The following ALG10B variants were observed in gnomAD, a reference collection of about 807,000 sequenced individuals.
The protein encoded by ALG10B is ALG10 alpha-1,2-glucosyltransferase B, also known as dol-P-Glc:Glc(2)Man(9)GlcNAc(2)-PP-Dol alpha-1,2-glucosyltransferase B.
Under a neutral mutation model 38.7 loss-of-function variants are expected in ALG10B, and 27 were observed. The observed-to-expected ratio is 0.70, with a 90% CI of 0.51 to 0.96. ALG10B has a LOEUF of 0.96. ALG10B is among the 40% of genes least tolerant of loss of function. ALG10B has a pLI of 0.00. For missense variants in ALG10B, 522 were observed against 542.7 expected (o/e 0.96, Z 0.38); for synonymous variants, 177 against 193.3 (o/e 0.92, Z 0.70).
chr12:38,316,734 C>T (rs1390075253), upstream of ALG10B: 2 of 1,239,732 alleles, frequency 1.6e-6, no homozygotes, highest in African/African-American at 3.0e-5. Flanking sequence ...CCGCTGTTTT[C>T]CGGATCCGCG....
chr12:38,320,173 A>G lies in ALG10B; in HGVS notation c.382A>G (p.Ile128Val). The change falls in exon 3 of 3, where the codon ATC becomes GTC. Residue 128 changes from isoleucine to valine, a missense_variant. By Grantham distance (29) the Ile-to-Val change is conservative. Transcript: ENST00000308742. ...VQPRNKAASS[I>V]QRVLSTLTLA... ...TTCTTCCTCCAAGGCTGCCTCAAGT[A>G]TCCAGAGAGTCTTGTCAACATTAAC... 1 of 1,614,024 alleles carries G rather than the reference A, an allele frequency of 6.2e-7. No homozygotes were observed. Among genetic ancestry groups the G allele is most frequent in the Non-Finnish European group, 8.5e-7 (1 of 1,179,908 alleles).
rs1945685307 is a variant in ALG10B at position 38,319,763 on chromosome 12, G to A, written c.370-398G>A. Among the ~76,000 whole-genome samples, 4 of 152,260 alleles carry A rather than the reference G, an allele frequency of 2.6e-5. No individual in the cohort carries two copies. In the South Asian group the frequency reaches 8.3e-4, roughly 32 times the overall value. Reference sequence around the variant, plus strand: ...TCCTTAAAGGAAAGTGGTGATTATGGCTAAGTGAATCCTTATTGAAGGCAC... The same window carrying A: ...TCCTTAAAGGAAAGTGGTGATTATGACTAAGTGAATCCTTATTGAAGGCAC... On this transcript the variant is annotated intron_variant, in intron 2 of 2. Coordinates refer to ENST00000308742, the MANE Select transcript of ALG10B (RefSeq NM_001013620.4).
rs1945703162 is a variant in ALG10B, at chr12:38,321,288, G to A, written c.*75G>A. ...TCTACAAAGAACAACTGAATAGGTG[G>A]AAAACATGGAATTTCTTTTAGGTGC... is the stretch of plus-strand genomic sequence containing the variant. On this transcript the variant is annotated 3_prime_UTR_variant, in exon 3 of 3. Transcript: ENST00000308742. 6.9e-7 allele frequency: 1 copy of A among 1,456,302 alleles called. No homozygotes were observed. The highest frequency in any genetic ancestry group is 9.3e-7 in the Non-Finnish European group (1 of 1,072,558). 90.2% of individuals were successfully genotyped at this position (1,456,302 alleles called of 1,614,324 possible).
chr12:38,319,655 T>C (rs1591936812), intron 2 of ALG10B, among the ~76,000 whole-genome samples: 2 of 152,332 alleles, frequency 1.3e-5, no homozygotes, highest in East Asian at 3.9e-4. Flanking sequence ...GAAAATATCA[T>C]CTTGAAAAAG....
At position 38,320,783 on chromosome 12, in the gene ALG10B, T is replaced by C; in HGVS notation, c.992T>C (p.Leu331Ser). ...KHGILFLVVTLVSVFLVWKFT... is the reference protein window; with the variant it reads ...KHGILFLVVTSVSVFLVWKFT... ...GGAATTCTGTTTTTGGTGGTTACCT[T>C]AGTCTCTGTGTTTTTAGTTTGGAAA... The change falls in exon 3 of 3, where the codon TTA becomes TCA. Residue 331 changes from leucine to serine, a missense_variant. Leu to Ser is a moderately radical substitution (Grantham distance 145). Transcript: ENST00000308742. The C allele has an allele frequency of 6.2e-7, 1 of 1,614,038 alleles. No individual in the cohort carries two copies. The highest frequency in any genetic ancestry group is 1.1e-5 in the South Asian group (1 of 91,074).
rs1454567633 is a variant in ALG10B, at chr12:38,317,195, G to C, written c.171+131G>C. 3 of 1,279,942 alleles carry C rather than the reference G, an allele frequency of 2.3e-6. No homozygotes were observed. In the East Asian group the frequency reaches 7.2e-5, roughly 31 times the overall value. 79.3% of individuals were successfully genotyped at this position (1,279,942 alleles called of 1,614,324 possible). A position where few individuals can be genotyped will look rare whatever the true frequency, so the allele number is the denominator to read the frequency against. Reference sequence around the variant, plus strand: ...CCAGCCTCAGAACATGAAAGAAACTGGGTATAGTCTTTTGTTCCTGTCTCT... The same window carrying C: ...CCAGCCTCAGAACATGAAAGAAACTCGGTATAGTCTTTTGTTCCTGTCTCT... On this transcript the variant is annotated intron_variant, in intron 1 of 2. Transcript: ENST00000308742.
In ALG10B at chr12:38,320,657, C is replaced by T. The variant is rs773262920; in HGVS notation, c.866C>T (p.Pro289Leu). 6.2e-7 allele frequency: 1 copy of T among 1,613,682 alleles called. No homozygotes were observed. The highest frequency in any genetic ancestry group is 1.3e-5 in the African/African-American group (1 of 74,848). The change falls in exon 3 of 3, where the codon CCT (proline) becomes CTT (leucine). Residue 289 changes from proline (P) to leucine (L), a missense_variant. Coordinates refer to ENST00000308742, the MANE Select transcript of ALG10B (RefSeq NM_001013620.4). ...AGTCATGAAGCCTGTCTTCATTTTC[C>T]TCAACTATTCTACTTTTTTTCATTT... Reference protein sequence around the residue: ...RSSHEACLHFPQLFYFFSFTL... With the variant: ...RSSHEACLHFLQLFYFFSFTL...
At position 38,328,974 on chromosome 12, in the gene ALG10B, C is replaced by G. The variant is rs929893833; in HGVS notation, c.*7761C>G. 5.3e-6 allele frequency: 2 copies of G among 377,234 alleles called. No homozygotes were observed. Among genetic ancestry groups the G allele is most frequent in the African/African-American group, 4.1e-5 (2 of 48,230 alleles). The allele number at this position is 377,234 out of a possible 1,614,324, so 23.4% of individuals were successfully genotyped here. A position where few individuals can be genotyped will look rare whatever the true frequency, so the allele number is the denominator to read the frequency against. On this transcript the variant is annotated 3_prime_UTR_variant, in exon 3 of 3. Coordinates refer to ENST00000308742, the MANE Select transcript of ALG10B (RefSeq NM_001013620.4). ...GTATAGAGAGGTGAAGTATTTTTTC[C>G]AAGATTACAAAATAACTGTCTGAGC... is the stretch of plus-strand genomic sequence containing the variant.
chr12:38,317,373 A>G (rs1310136951), intron 1 of ALG10B: 3 of 432,916 alleles, frequency 6.9e-6, no homozygotes, highest in East Asian at 4.6e-5. Context: ...TCTCAGGATT[A>G]AAGGCATTCG....
intron 2 of ALG10B, 113 bp downstream of exon 2, chr12:38,318,571 T>C: frequency 7.9e-7 from 1 of 1,265,338 alleles, no homozygotes; most frequent in Non-Finnish European, 1.1e-6. Flanking sequence ...TAACTTTGTA[T>C]TTTTTGTATA....
rs758622096 is a variant in ALG10B, at chr12:38,321,529, G to T, written c.*316G>T. The T allele has an allele frequency of 4.3e-5, 8 of 187,956 alleles. No individual in the cohort carries two copies. The highest frequency in any genetic ancestry group is 8.8e-5 in the Non-Finnish European group (8 of 91,090). 11.6% of individuals were successfully genotyped at this position (187,956 alleles called of 1,614,324 possible). A position where few individuals can be genotyped will look rare whatever the true frequency, so the allele number is the denominator to read the frequency against. The stretch of plus-strand genomic sequence containing the variant: ...GTATGTATAAGTTTATTAAAACTGG[G>T]TATGCTTCATATTACTAGAACTAAT... On this transcript the variant is annotated 3_prime_UTR_variant, in exon 3 of 3. Coordinates refer to ENST00000308742, the MANE Select transcript of ALG10B (RefSeq NM_001013620.4).
chr12:38,318,415 A>G lies in ALG10B; in HGVS notation c.326A>G (p.Tyr109Cys). 6.2e-7 allele frequency: 1 copy of G among 1,614,098 alleles called. No individual in the cohort carries two copies. Among genetic ancestry groups the G allele is most frequent in the South Asian group, 1.1e-5 (1 of 91,086 alleles). ...VNLLFSVGNF[Y>C]LLYLLFHKVQ... The stretch of plus-strand genomic sequence containing the variant: ...CTTCTCTTCAGTGTTGGCAACTTCT[A>G]TTTACTATATTTGCTTTTCCACAAG... Residue 109 changes from tyrosine to cysteine, a missense_variant, in exon 2 of 3, where the codon TAT becomes TGT. Physicochemically the swap from Tyr to Cys is radical, Grantham distance 194 (BLOSUM62 -2). Transcript: ENST00000308742.
At position 38,321,102 on chromosome 12, in the gene ALG10B, T is replaced by A. The variant is rs188303169; in HGVS notation, c.1311T>A (p.Leu437=). The A allele has an allele frequency of 1.7e-5, 28 of 1,613,742 alleles. No homozygotes were observed. Among genetic ancestry groups the A allele is most frequent in the Non-Finnish European group, 2.3e-5 (27 of 1,179,822 alleles). The change falls in exon 3 of 3, where the codon CTT becomes CTA. Residue 437 remains leucine (L), a synonymous_variant. Transcript: ENST00000308742. ...LNITLPPTSR[L]VCELSCYAIV... ...TAACTCTGCCTCCCACATCCAGACT[T>A]GTTTGTGAACTGAGTTGCTATGCAA...
chr12:38,316,789 T>C lies in ALG10B; in HGVS notation c.-105T>C. 6.3e-7 allele frequency: 1 copy of C among 1,592,584 alleles called. No homozygotes were observed. The highest frequency in any genetic ancestry group is 8.6e-7 in the Non-Finnish European group (1 of 1,162,946). On this transcript the variant is annotated 5_prime_UTR_variant, in exon 1 of 3. Transcript: ENST00000308742. ...CTTCCGGTATGTGGCCCCGTCTGGC[T>C]AGTCCTGTCTAGCGCGCCCATTTCG... is the stretch of plus-strand genomic sequence containing the variant.
rs1945688903 is a variant in ALG10B at position 38,320,217 on chromosome 12, A to G, written c.426A>G (p.Thr142=). The G allele has an allele frequency of 6.2e-7, 1 of 1,613,832 alleles. No individual in the cohort carries two copies. The change falls in exon 3 of 3, where the codon ACA becomes ACG. Residue 142 remains threonine, a synonymous_variant. Transcript: ENST00000308742. ...LSTLTLAVFP[T]LYFFNFLYYT... ...CATTAACACTAGCAGTATTTCCAAC[A>G]CTTTATTTTTTTAACTTCCTTTATT...
At position 38,324,820 on chromosome 12, in the gene ALG10B, TTTCATGAATTTTTA is replaced by T. The variant is rs1261254436; in HGVS notation, c.*3608_*3621del. On this transcript the variant is annotated 3_prime_UTR_variant, in exon 3 of 3. Coordinates refer to ENST00000308742, the MANE Select transcript of ALG10B (RefSeq NM_001013620.4). The stretch of plus-strand genomic sequence containing the variant: ...AAAGTTATTGAGTAGATAGATATTT[TTTCATGAATTTTTA>T]AACATTAGACTTAGCTGAATTGATT... The T allele has an allele frequency of 2.6e-5, 4 of 152,232 alleles. No homozygotes were observed. In the South Asian group the frequency reaches 6.2e-4, roughly 24 times the overall value. The allele number at this position is 152,232 out of a possible 1,614,324, so 9.4% of individuals were successfully genotyped here.
intron 1 of ALG10B, 62 bp downstream of exon 1, chr12:38,317,126 C>G (rs554731852): frequency 2.5e-4 from 403 of 1,609,900 alleles, no homozygotes; most frequent in Non-Finnish European, 3.3e-4. Context: ...GTCCCCAGCT[C>G]CTTCTCCCAT....
rs1334432577 is a variant in ALG10B, at chr12:38,325,717, G to C, written c.*4504G>C. On this transcript the variant is annotated 3_prime_UTR_variant, in exon 3 of 3. Coordinates refer to ENST00000308742, the MANE Select transcript of ALG10B (RefSeq NM_001013620.4). ...GTTAAGATTTTTATATTTGGTTGTG[G>C]CTCTGGGATCAATAAGGCAAGTGGT... 4 of 152,108 alleles carry C rather than the reference G, an allele frequency of 2.6e-5. No homozygotes were observed. The highest frequency in any genetic ancestry group is 4.4e-5 in the Non-Finnish European group (3 of 67,998). 9.4% of individuals were successfully genotyped at this position (152,108 alleles called of 1,614,324 possible). A position where few individuals can be genotyped will look rare whatever the true frequency, so the allele number is the denominator to read the frequency against.
At position 38,323,780 on chromosome 12, in the gene ALG10B, G is replaced by T. The variant is rs1405227357; in HGVS notation, c.*2567G>T. Reference sequence around the variant, plus strand: ...AATTAGATGAGAGAGGACACTCAAAGAAATTATACTTTTGTCATTAATTTA... The same window carrying T: ...AATTAGATGAGAGAGGACACTCAAATAAATTATACTTTTGTCATTAATTTA... On this transcript the variant is annotated 3_prime_UTR_variant, in exon 3 of 3. Transcript: ENST00000308742. 2 of 642,462 alleles carry T rather than the reference G, an allele frequency of 3.1e-6. No homozygotes were observed. The highest frequency in any genetic ancestry group is 3.7e-5 in the African/African-American group (2 of 54,778). The allele number at this position is 642,462 out of a possible 1,614,324, so 39.8% of individuals were successfully genotyped here.
Sources: allele counts gnomAD v4.1 joint callset (sites outside exome capture counted in the v4.1 genomes callset), GRCh38; gene constraint gnomAD v4.1.1; transcripts MANE v1.5; gene names NCBI Gene and HGNC (gene_info 2026-07-23, HGNC 2026-07-21).